Variants in AOPEP observed in about 807,000 individuals in gnomAD.
AOPEP encodes aminopeptidase O.
In AOPEP, 77 loss-of-function variants were observed where a neutral mutation model predicts 98.1. That is an observed-to-expected ratio of 0.78 (90% CI 0.65 to 0.95). The LOEUF (loss-of-function observed/expected upper bound fraction) is 0.95. AOPEP is among the 40% of genes least tolerant of loss of function. AOPEP has a pLI of 0.00. For synonymous variants in AOPEP, 346 were observed against 365.3 expected (o/e 0.95, Z 0.60); for missense variants, 1,024 against 1,024.7 (o/e 1.00, Z 0.01).
chr9:94,765,331 G>A lies in AOPEP; in HGVS notation c.797+4751G>A, dbSNP rs534916899. ...TAAAAAAATATATGCCAGATGTGGT[G>A]GCTCATGCCTATAATTCTAGCACTT... On this transcript the variant is annotated intron_variant, in intron 2 of 16. Coordinates refer to ENST00000375315, the MANE Select transcript of AOPEP (RefSeq NM_001193329.3). Among the ~76,000 whole-genome samples the A allele has an allele frequency of 9.9e-5, 15 of 151,472 alleles. No individual in the cohort carries two copies. The South Asian group carries it at 2.1e-3, about 21-fold the overall frequency.
chr9:94,804,770 T>C (rs1848886669), intron 5 of AOPEP, among the ~76,000 whole-genome samples: 2 of 152,122 alleles, frequency 1.3e-5, no homozygotes, highest in Non-Finnish European at 2.9e-5. Context: ...GGGAGAAAAT[T>C]AGTGTACGTG....
intron 5 of AOPEP, among the ~76,000 whole-genome samples, chr9:94,841,526 C>A (rs1379786511): frequency 6.6e-6 from 1 of 152,120 alleles, no homozygotes; most frequent in Non-Finnish European, 1.5e-5. Flanking sequence ...TTGATGCCTT[C>A]TAATTTTCTT....
At chr9:95,144,566 C>T in the AOPEP span, among the ~76,000 whole-genome samples, 1 of 152,096 alleles carries the variant, frequency 6.6e-6, no homozygotes, top group African/African-American at 2.4e-5. Context: ...CACAGAAGAC[C>T]AGGAGTATTC....
chr9:95,043,832 T>A (rs1473411945), intron 13 of AOPEP, among the ~76,000 whole-genome samples: 1 of 152,178 alleles, frequency 6.6e-6, no homozygotes, highest in Non-Finnish European at 1.5e-5. Context: ...GCCTGGCTAA[T>A]TTTTGTATGT....
chr9:95,123,930 G>C, the AOPEP span: 1 of 388,114 alleles, frequency 2.6e-6, no homozygotes, highest in Non-Finnish European at 5.0e-6. Flanking sequence ...AATGGAAATT[G>C]TACTTAATTA....
intron 5 of AOPEP, among the ~76,000 whole-genome samples, chr9:94,910,801 T>C (rs2051920055): frequency 1.3e-5 from 2 of 152,304 alleles, no homozygotes; most frequent in East Asian, 3.9e-4. Context: ...GGGGCCAGTC[T>C]ATTAGGATGA....
chr9:95,081,089 G>A (rs149317354), intron 15 of AOPEP, among the ~76,000 whole-genome samples: 1,596 of 152,276 alleles, frequency 0.01, 29 homozygotes, highest in African/African-American at 0.037. Flanking sequence ...TGGTGACGCC[G>A]TGGGGTAGAT....
At chr9:95,005,937 A>G (rs369356221) in intron 13 of AOPEP, 2 of 513,262 alleles carry the variant, frequency 3.9e-6, no homozygotes. Flanking sequence ...CTGAAAAATG[A>G]AAAGTGTTCC....
At chr9:95,111,202 G>A in the AOPEP span, 1 of 1,536,232 alleles carries the variant, frequency 6.5e-7, no homozygotes, top group Non-Finnish European at 8.7e-7. Flanking sequence ...CAGATCAAAT[G>A]ACCTTGGGGA....
intron 13 of AOPEP, among the ~76,000 whole-genome samples, chr9:95,024,674 A>G (rs2063707473): frequency 1.3e-5 from 2 of 152,200 alleles, no homozygotes; most frequent in South Asian, 4.1e-4. Context: ...GAATGTTGGT[A>G]TGGAGAATAA....
chr9:95,034,699 G>A (rs1026286010), intron 13 of AOPEP, among the ~76,000 whole-genome samples: 19 of 152,172 alleles, frequency 1.2e-4, no homozygotes, highest in African/African-American at 4.6e-4. Context: ...TTTTTAATAG[G>A]GAAAGGTTGG....
At chr9:94,982,870 G>A (rs928986697) in intron 11 of AOPEP, among the ~76,000 whole-genome samples, 4 of 151,788 alleles carry the variant, frequency 2.6e-5, no homozygotes, top group South Asian at 4.2e-4. Context: ...GGTTTCCCTC[G>A]GCCCCATAGC....
At chr9:95,020,438 A>G (rs955835931) in intron 13 of AOPEP, among the ~76,000 whole-genome samples, 1 of 152,134 alleles carries the variant, frequency 6.6e-6, no homozygotes, top group Non-Finnish European at 1.5e-5. Context: ...AGATTTTGAG[A>G]GATCAGTAAT....
intron 13 of AOPEP, among the ~76,000 whole-genome samples, chr9:95,027,693 A>G (rs1415066448): frequency 6.6e-6 from 1 of 152,240 alleles, no homozygotes; most frequent in Non-Finnish European, 1.5e-5. Context: ...AAATGCAACT[A>G]GCAGTATCTG....
chr9:94,794,535 C>T (rs569945219), intron 4 of AOPEP, among the ~76,000 whole-genome samples: 1 of 152,192 alleles, frequency 6.6e-6, no homozygotes, highest in African/African-American at 2.4e-5. Flanking sequence ...TGTTCTCTCT[C>T]TTCTGATGGG....
chr9:95,082,830 A>T (rs561979143), intron 16 of AOPEP, 111 bp downstream of exon 16: 1 of 1,277,182 alleles, frequency 7.8e-7, no homozygotes, highest in Non-Finnish European at 1.1e-6. Context: ...CAGCATCAAT[A>T]GTCGGCTCCC....
In AOPEP at chr9:94,980,289, C is replaced by G. The variant is rs1208195454; in HGVS notation, c.1977+862C>G. 1.3e-5 allele frequency among the ~76,000 whole-genome samples: 2 copies of G among 152,222 alleles called. No individual in the cohort carries two copies. The highest frequency in any genetic ancestry group is 1.5e-5 in the Non-Finnish European group (1 of 68,048). ...GAGGACCCTGCAGGCTGGGAGCTCTCTCAGTCTGGGGCAGCCCCCAGAGCG... is the reference window on the plus strand; with the variant it reads ...GAGGACCCTGCAGGCTGGGAGCTCTGTCAGTCTGGGGCAGCCCCCAGAGCG... On this transcript the variant is annotated intron_variant, in intron 11 of 16. Transcript: ENST00000375315. The surrounding 1 kb of genome is among the most constrained non-coding windows in gnomAD (Gnocchi z 4.3).
chr9:95,123,563 C>T, the AOPEP span: 6 of 553,526 alleles, frequency 1.1e-5, no homozygotes, highest in Non-Finnish European at 1.8e-5. Flanking sequence ...CAAAAAGGGC[C>T]GCGGCCACGT....
the AOPEP span, among the ~76,000 whole-genome samples, chr9:95,102,296 C>A: frequency 6.6e-6 from 1 of 152,176 alleles, no homozygotes; most frequent in Non-Finnish European, 1.5e-5. Flanking sequence ...AGAAACAGCC[C>A]CTGGCATCCC....
Sources: gnomAD v4.1 joint callset for allele counts (sites outside exome capture counted in the v4.1 genomes callset) on GRCh38, gnomAD v4.1.1 for gene constraint, Gnocchi (gnomAD v3.1) non-coding constraint, MANE v1.5 for transcripts, NCBI Gene and HGNC (gene_info 2026-07-23, HGNC 2026-07-21) for gene names.